MMD2: variants seen among roughly 807,000 people sequenced by gnomAD.
The protein encoded by MMD2 is monocyte to macrophage differentiation associated 2.
A neutral mutation model predicts 33.5 loss-of-function variants in MMD2; 30 were observed. The observed-to-expected ratio is 0.90, with a 90% confidence interval of 0.67 to 1.22. The LOEUF (loss-of-function observed/expected upper bound fraction) is 1.22. Among genes scored for constraint, MMD2 ranks in the 50% most tolerant of loss-of-function variants. The pLI is 0.00. For missense variants in MMD2, 364 were observed against 325.4 expected (o/e 1.12, Z -0.91); for synonymous variants, 129 against 123.0 (o/e 1.05, Z -0.32).
Position 4,930,505 on chromosome 7 carries a change from G to A in MMD2, c.48-4973C>T, listed in dbSNP as rs183825682. ...AAAAAAATACAAAAATTAGCCAGGC[G>A]TAGTGGTGGGCGACTGTAATCCCAG... On this transcript the variant is annotated intron_variant, in intron 1 of 6. Transcript: ENST00000401401. 2.9e-3 allele frequency among the ~76,000 whole-genome samples: 447 copies of A among 151,724 alleles called. 8 individuals are homozygous for A. Among genetic ancestry groups the A allele is most frequent in the Middle Eastern group, 0.01 (3 of 292 alleles).
chr7:4,917,137 A>G (rs576207308), intron 3 of MMD2, among the ~76,000 whole-genome samples: 18 of 152,282 alleles, frequency 1.2e-4, no homozygotes, highest in Middle Eastern at 3.4e-3. Flanking sequence ...TGACATTCTA[A>G]TGCTAGAAGA....
At position 4,911,166 on chromosome 7, in the gene MMD2, T is replaced by G; in HGVS notation, c.446A>C (p.Tyr149Ser). Residue 149 changes from tyrosine to serine, a missense_variant, in exon 5 of 7, where the codon TAT becomes TCT. By Grantham distance (144) the Tyr-to-Ser change is moderately radical. Transcript: ENST00000401401. ...VWIMASVGTI[Y>S]VFFFHERYKL... ...TTACCGCTCATGGAAGAAGAAGACATAGATGGTGCCCACGGAAGCCATAAT... is the reference window on the plus strand; with the variant it reads ...TTACCGCTCATGGAAGAAGAAGACAGAGATGGTGCCCACGGAAGCCATAAT... 6.3e-7 allele frequency: 1 copy of G among 1,591,676 alleles called. No homozygotes were observed. The highest frequency in any genetic ancestry group is 8.5e-7 in the Non-Finnish European group (1 of 1,170,102).
chr7:4,899,563 T>G, the MMD2 span, among the ~76,000 whole-genome samples: 1 of 152,040 alleles, frequency 6.6e-6, no homozygotes, highest in Non-Finnish European at 1.5e-5. Context: ...AATTTTTGTA[T>G]TTTTAGTAGA....
the MMD2 span, among the ~76,000 whole-genome samples, chr7:4,894,455 C>T: frequency 6.6e-5 from 10 of 152,132 alleles, no homozygotes; most frequent in Non-Finnish European, 1.2e-4. The surrounding 1 kb of genome is among the most constrained non-coding windows in gnomAD (Gnocchi z 4.3). Context: ...GGCTTTTAAG[C>T]GTGCCTTTCA....
At chr7:4,918,215 G>A (rs553151106) in intron 3 of MMD2, among the ~76,000 whole-genome samples, 1 of 152,158 alleles carries the variant, frequency 6.6e-6, no homozygotes, top group Non-Finnish European at 1.5e-5. Flanking sequence ...AGTGTTTCTT[G>A]TTATTTTAAG....
At chr7:4,948,245 G>A (rs1211849996) in intron 1 of MMD2, among the ~76,000 whole-genome samples, 1 of 152,120 alleles carries the variant, frequency 6.6e-6, no homozygotes, top group South Asian at 2.1e-4. Context: ...CACATGTTGA[G>A]GCCGGGTGTG....
intron 1 of MMD2, among the ~76,000 whole-genome samples, chr7:4,948,500 A>G (rs1786153119): frequency 6.6e-6 from 1 of 151,878 alleles, no homozygotes; most frequent in South Asian, 2.1e-4. Context: ...TCCAGACTGA[A>G]TGACAAGAGC....
chr7:4,899,206 T>C, the MMD2 span, among the ~76,000 whole-genome samples: 3 of 152,142 alleles, frequency 2.0e-5, no homozygotes, highest in South Asian at 6.2e-4. Context: ...CTTGGACTTC[T>C]CAGCCTCCAG....
At chr7:4,920,100 C>A (rs1426003670) in intron 3 of MMD2, 71 bp downstream of exon 3, 1 of 1,489,952 alleles carries the variant, frequency 6.7e-7, no homozygotes, top group Non-Finnish European at 9.0e-7. Context: ...CCTGGTTCAC[C>A]CCCCGGGCTG....
chr7:4,938,277 G>T (rs2115135265), intron 1 of MMD2, among the ~76,000 whole-genome samples: 1 of 152,072 alleles, frequency 6.6e-6, no homozygotes, highest in Admixed American at 6.6e-5. Context: ...CCAAAGTGCT[G>T]GGATTACAGG....
chr7:4,916,628 C>G (rs1234670103), intron 3 of MMD2, among the ~76,000 whole-genome samples: 2 of 152,026 alleles, frequency 1.3e-5, no homozygotes, highest in African/African-American at 4.8e-5. Flanking sequence ...AGTGATCCAC[C>G]CGCCTCGGTC....
intron 1 of MMD2, among the ~76,000 whole-genome samples, chr7:4,957,091 G>A (rs113249591): frequency 1.4e-3 from 210 of 151,136 alleles, no homozygotes; most frequent in African/African-American, 4.9e-3. Context: ...ACTTGAACCC[G>A]GGAGGTGGAG....
the MMD2 span, among the ~76,000 whole-genome samples, chr7:4,892,585 TATAAATAAATAA>T: frequency 2.0e-3 from 293 of 143,504 alleles, 1 homozygote; most frequent in African/African-American, 7.2e-3. Flanking sequence ...AAGACTCTGC[TATAAATAAATAA>T]ATAAATAAAT....
chr7:4,908,000 G>A (rs2115083590), intron 6 of MMD2, among the ~76,000 whole-genome samples: 1 of 151,814 alleles, frequency 6.6e-6, no homozygotes, highest in South Asian at 2.1e-4. Context: ...GGAGATGGGG[G>A]CATCTCACTA....
At chr7:4,929,061 C>T (rs567022585) in intron 1 of MMD2, among the ~76,000 whole-genome samples, 2 of 152,270 alleles carry the variant, frequency 1.3e-5, no homozygotes, top group African/African-American at 4.8e-5. Context: ...GGAGTGAAAG[C>T]TGGGCAGGGG....
At chr7:4,939,707 G>A (rs973771132) in intron 1 of MMD2, among the ~76,000 whole-genome samples, 2 of 151,744 alleles carry the variant, frequency 1.3e-5, no homozygotes, top group African/African-American at 4.8e-5. Flanking sequence ...TCAAATGGCG[G>A]TGCACACACT....
At chr7:4,898,342 C>G in the MMD2 span, among the ~76,000 whole-genome samples, 2 of 152,228 alleles carry the variant, frequency 1.3e-5, no homozygotes, top group Non-Finnish European at 2.9e-5. Flanking sequence ...CAAATACACA[C>G]TAAGCACTGA....
At chr7:4,950,262 C>A (rs1786205592) in intron 1 of MMD2, among the ~76,000 whole-genome samples, 1 of 151,926 alleles carries the variant, frequency 6.6e-6, no homozygotes, top group Non-Finnish European at 1.5e-5. Context: ...CCAGGCCTGG[C>A]TAATTTTGTA....
rs1036287112 is a variant in MMD2 at position 4,906,025 on chromosome 7, G to A, written c.*1371C>T. On this transcript the variant is annotated 3_prime_UTR_variant, in exon 7 of 7. Transcript: ENST00000401401. ...TGTTGAGATAATTTAATACTGGCTT[G>A]GACACACTGGATTCCAGGTGCAGGA... The A allele has an allele frequency of 6.5e-6, 1 of 154,934 alleles. No individual in the cohort carries two copies. The highest frequency in any genetic ancestry group is 1.4e-5 in the Non-Finnish European group (1 of 69,700). 9.6% of individuals were successfully genotyped at this position (154,934 alleles called of 1,614,324 possible).
Sources: gnomAD v4.1 joint callset for allele counts (sites outside exome capture counted in the v4.1 genomes callset) on GRCh38, gnomAD v4.1.1 for gene constraint, Gnocchi (gnomAD v3.1) non-coding constraint, MANE v1.5 for transcripts, NCBI Gene and HGNC (gene_info 2026-07-23, HGNC 2026-07-21) for gene names.